NRG3: variants seen among roughly 807,000 people sequenced by gnomAD.
NRG3 encodes the protein neuregulin 3, also known as pro-neuregulin-3, membrane-bound isoform.
In NRG3, 31 loss-of-function variants were observed where a neutral mutation model predicts 66.9. The ratio of observed to expected loss-of-function variants is 0.46; its 90% CI spans 0.35 to 0.63. The LOEUF (loss-of-function observed/expected upper bound fraction) is 0.63, where lower values mean the gene tolerates loss of function less well. NRG3 is among the 20% of genes least tolerant of loss of function. The pLI, the probability that NRG3 is intolerant of heterozygous loss-of-function variation, is 0.00. For missense variants in NRG3, 910 were observed against 878.9 expected, an observed-to-expected ratio of 1.04 and a Z score of -0.45; for synonymous variants, 393 against 359.4, an observed-to-expected ratio of 1.09 and a Z score of -1.06.
chr10:82,352,077 G>T (rs573631854), intron 1 of NRG3, among the ~76,000 whole-genome samples: 1 of 152,198 alleles, frequency 6.6e-6, no homozygotes, highest in Non-Finnish European at 1.5e-5. Flanking sequence ...ATCTACAATA[G>T]TTAAAAGTCC....
intron 1 of NRG3, among the ~76,000 whole-genome samples, chr10:81,918,821 A>AAAACAAAAAAAAG (rs1845950748): frequency 2.0e-5 from 3 of 151,640 alleles, no homozygotes; most frequent in African/African-American, 7.3e-5. Context: ...ATTTTTGCAA[A>AAAACAAAAAAAAG]AAACAAAAAC....
chr10:82,092,614 G>A (rs2066093800), intron 1 of NRG3, among the ~76,000 whole-genome samples: 1 of 152,086 alleles, frequency 6.6e-6, no homozygotes, highest in Admixed American at 6.5e-5. Context: ...TGGGTCTCTT[G>A]TATTTCTGTT....
chr10:81,929,994 G>A (rs1475438982), intron 1 of NRG3, among the ~76,000 whole-genome samples: 10 of 152,246 alleles, frequency 6.6e-5, no homozygotes, highest in Admixed American at 2.0e-4. Flanking sequence ...AGAGACTTTC[G>A]CACTATATCC....
At chr10:82,799,492 C>CTG (rs1375111399) in intron 3 of NRG3, among the ~76,000 whole-genome samples, 1 of 147,210 alleles carries the variant, frequency 6.8e-6, no homozygotes, top group African/African-American at 2.6e-5. Flanking sequence ...CGCCATTGCA[C>CTG]TCCAGCCTGG....
At chr10:82,126,872 A>G (rs1373220107) in intron 1 of NRG3, among the ~76,000 whole-genome samples, 1 of 152,050 alleles carries the variant, frequency 6.6e-6, no homozygotes, top group East Asian at 1.9e-4. Context: ...GGTTCATAAG[A>G]GCCCAGGTTG....
At chr10:82,962,866 C>A (rs1409275159) in intron 6 of NRG3, among the ~76,000 whole-genome samples, 1 of 151,728 alleles carries the variant, frequency 6.6e-6, no homozygotes, top group Non-Finnish European at 1.5e-5. Context: ...AAAACAAAAC[C>A]AAAAAAGAAT....
intron 1 of NRG3, among the ~76,000 whole-genome samples, chr10:82,357,959 T>C (rs1398664321): frequency 3.9e-5 from 6 of 152,184 alleles, no homozygotes; most frequent in Non-Finnish European, 5.9e-5. Context: ...AATAGTTGCT[T>C]AAAACTCTGT....
intron 3 of NRG3, among the ~76,000 whole-genome samples, chr10:82,820,540 A>G (rs998426399): frequency 1.3e-5 from 2 of 152,162 alleles, no homozygotes; most frequent in Non-Finnish European, 2.9e-5. Context: ...CATCTCTAGC[A>G]AGACAGCTAG....
At chr10:82,121,957 T>C (rs1739768) in intron 1 of NRG3, among the ~76,000 whole-genome samples, 138,461 of 152,136 alleles carry the variant, frequency 0.91, 63,444 homozygotes, top group African/African-American at 0.97. Flanking sequence ...TTCATGTGAC[T>C]GTTTTATAAC....
chr10:82,183,892 C>T (rs1276770986), intron 1 of NRG3, among the ~76,000 whole-genome samples: 1 of 152,126 alleles, frequency 6.6e-6, no homozygotes, highest in East Asian at 1.9e-4. Context: ...GCAAGATCAT[C>T]TAAGGGCTGA....
At chr10:82,712,024 GA>G (rs1223144212) in intron 2 of NRG3, among the ~76,000 whole-genome samples, 113 of 152,142 alleles carry the variant, frequency 7.4e-4, no homozygotes, top group Non-Finnish European at 5.9e-5. Context: ...TCCATTTATA[GA>G]AATCTTCTTT....
At chr10:82,244,108 C>A (rs2077126772) in intron 1 of NRG3, among the ~76,000 whole-genome samples, 1 of 152,166 alleles carries the variant, frequency 6.6e-6, no homozygotes, top group South Asian at 2.1e-4. Context: ...CATCAACAGG[C>A]ATTTTACCTA....
chr10:82,060,430 C>T (rs1193968535), intron 1 of NRG3, among the ~76,000 whole-genome samples: 2 of 152,154 alleles, frequency 1.3e-5, no homozygotes, highest in African/African-American at 4.8e-5. Flanking sequence ...CCAGCCTGAA[C>T]TGCAATGATT....
intron 2 of NRG3, among the ~76,000 whole-genome samples, chr10:82,688,476 G>T (rs188530659): frequency 6.6e-6 from 1 of 152,198 alleles, no homozygotes. Context: ...ACTAGAGATT[G>T]TTCTTAGTCA....
At chr10:82,351,174 G>A (rs1313830862) in intron 1 of NRG3, among the ~76,000 whole-genome samples, 2 of 152,150 alleles carry the variant, frequency 1.3e-5, no homozygotes, top group South Asian at 2.1e-4. Context: ...GATTACAGGC[G>A]TGAGCCACTC....
intron 8 of NRG3, among the ~76,000 whole-genome samples, chr10:82,982,356 A>G (rs950536328): frequency 7.2e-5 from 11 of 152,162 alleles, no homozygotes; most frequent in Admixed American, 6.6e-5. Flanking sequence ...TACAGACAAG[A>G]TGCATTTGTA....
chr10:82,176,592 C>T (rs533200983), intron 1 of NRG3, among the ~76,000 whole-genome samples: 1 of 152,200 alleles, frequency 6.6e-6, no homozygotes, highest in Admixed American at 6.5e-5. Context: ...CCTTGGTTGT[C>T]TCCCATCTCC....
At chr10:82,397,072 A>T (rs1192195213) in intron 2 of NRG3, among the ~76,000 whole-genome samples, 3 of 152,038 alleles carry the variant, frequency 2.0e-5, no homozygotes, top group Non-Finnish European at 4.4e-5. Flanking sequence ...TGTGTCTGTC[A>T]TCCTTCTCCC....
At chr10:82,114,317 T>G (rs2067565877) in intron 1 of NRG3, among the ~76,000 whole-genome samples, 1 of 152,174 alleles carries the variant, frequency 6.6e-6, no homozygotes, top group Admixed American at 6.5e-5. Flanking sequence ...AATATTTTCA[T>G]TTCTTTTAGA....
Sources: allele counts gnomAD v4.1 joint callset (sites outside exome capture counted in the v4.1 genomes callset), GRCh38; gene constraint gnomAD v4.1.1; transcripts MANE v1.5; gene names NCBI Gene and HGNC (gene_info 2026-07-23, HGNC 2026-07-21).